Variants in HMGA2 observed in about 807,000 individuals in gnomAD.
HMGA2 encodes the protein high mobility group AT-hook 2.
A neutral mutation model predicts 19.1 loss-of-function variants in HMGA2; 8 were observed. The ratio of observed to expected loss-of-function variants is 0.42; its 90% CI spans 0.25 to 0.76. HMGA2 has a LOEUF of 0.76. HMGA2 is among the 30% of genes least tolerant of loss of function. The pLI is 0.28. For synonymous variants in HMGA2, 60 were observed against 48.8 expected, an observed-to-expected ratio of 1.23 and a Z score of -0.96; for missense variants, 109 against 136.3, an observed-to-expected ratio of 0.80 and a Z score of 1.00.
intron 3 of HMGA2, among the ~76,000 whole-genome samples, chr12:65,861,783 G>T (rs573457304): frequency 1.3e-5 from 2 of 149,948 alleles, no homozygotes; most frequent in Admixed American, 1.3e-4. Context: ...TTAAAGATAT[G>T]CTTTAACATT....
chr12:65,896,795 T>C (rs1220545755), intron 3 of HMGA2, among the ~76,000 whole-genome samples: 1 of 152,246 alleles, frequency 6.6e-6, no homozygotes, highest in Admixed American at 6.5e-5. Flanking sequence ...ATGAAGAATC[T>C]GATTTTGAGA....
In HMGA2 at chr12:65,825,226, C is replaced by G. The variant is rs1016272348; in HGVS notation, c.-45C>G. 6.8e-7 allele frequency: 1 copy of G among 1,480,294 alleles called. No individual in the cohort carries two copies. Among genetic ancestry groups the G allele is most frequent in the South Asian group, 1.2e-5 (1 of 81,356 alleles). The allele number at this position is 1,480,294 out of a possible 1,614,324, so 91.7% of individuals were successfully genotyped here. ...AGGTGCTGGGCAGCTCCGGGGCGGTCGAGGCGAAGCGGCTGCAGCGGCGGT... is the reference window on the plus strand; with the variant it reads ...AGGTGCTGGGCAGCTCCGGGGCGGTGGAGGCGAAGCGGCTGCAGCGGCGGT... On this transcript the variant is annotated 5_prime_UTR_variant, in exon 1 of 5. Coordinates refer to ENST00000403681, the MANE Select transcript of HMGA2 (RefSeq NM_003483.6). This position sits in a 1 kb window ranked among gnomAD's most constrained non-coding sequence, Gnocchi z 4.4.
chr12:65,905,374 G>A (rs1435454562), intron 3 of HMGA2, among the ~76,000 whole-genome samples: 2 of 152,046 alleles, frequency 1.3e-5, no homozygotes, highest in Non-Finnish European at 2.9e-5. Context: ...TGTTTATCAA[G>A]CTTCTTGTAT....
intron 3 of HMGA2, among the ~76,000 whole-genome samples, chr12:65,855,428 T>A (rs540450260): frequency 7.7e-6 from 1 of 129,914 alleles, no homozygotes; most frequent in Admixed American, 8.7e-5. Context: ...TCTCTCTCCC[T>A]CTCTTTCTCT....
intron 3 of HMGA2, among the ~76,000 whole-genome samples, chr12:65,842,422 G>T (rs1437705976): frequency 1.3e-5 from 2 of 152,190 alleles, no homozygotes; most frequent in African/African-American, 4.8e-5. Context: ...ATTACTTACA[G>T]CCACCAGTAG....
chr12:65,949,611 A>G (rs944968548), intron 3 of HMGA2, among the ~76,000 whole-genome samples: 1 of 152,216 alleles, frequency 6.6e-6, no homozygotes, highest in Non-Finnish European at 1.5e-5. Flanking sequence ...TATAATGCCA[A>G]AGAAATAAGA....
chr12:65,828,372 CG>C (rs148331232), intron 2 of HMGA2: 3 of 143,536 alleles, frequency 2.1e-5, no homozygotes, highest in South Asian at 1.6e-4. Context: ...GAAGGGGTTG[CG>C]GGGGGGGCGG....
chr12:65,863,247 G>T (rs1308582465), intron 3 of HMGA2, among the ~76,000 whole-genome samples: 2 of 152,226 alleles, frequency 1.3e-5, no homozygotes, highest in Non-Finnish European at 2.9e-5. Flanking sequence ...ACAGAATGGA[G>T]CATTTCTGTT....
chr12:65,948,293 A>G (rs891080642), intron 3 of HMGA2: 1 of 152,238 alleles, frequency 6.6e-6, no homozygotes, highest in Non-Finnish European at 1.5e-5. Flanking sequence ...ACTAATATGT[A>G]TCATTGATGT....
chr12:65,936,644 G>A (rs974161626), intron 3 of HMGA2, among the ~76,000 whole-genome samples: 5 of 152,008 alleles, frequency 3.3e-5, no homozygotes, highest in African/African-American at 1.2e-4. Context: ...CTGCTGCTAC[G>A]GTGACTACTA....
At chr12:65,958,353 C>A (rs898497190) in intron 4 of HMGA2, 2 of 152,216 alleles carry the variant, frequency 1.3e-5, no homozygotes, top group Admixed American at 1.3e-4. Flanking sequence ...AGCATTTCCA[C>A]CAGAATCCCT....
intron 3 of HMGA2, among the ~76,000 whole-genome samples, chr12:65,946,268 G>A (rs1260774109): frequency 6.6e-6 from 1 of 152,136 alleles, no homozygotes; most frequent in East Asian, 1.9e-4. Flanking sequence ...TTGAACAATG[G>A]TCATATGATT....
Position 65,825,226 on chromosome 12 carries a change from C to T in HMGA2, c.-45C>T. 1 of 1,480,294 alleles carries T rather than the reference C, an allele frequency of 6.8e-7. No individual in the cohort carries two copies. The highest frequency in any genetic ancestry group is 9.0e-7 in the Non-Finnish European group (1 of 1,105,176). The allele number at this position is 1,480,294 out of a possible 1,614,324, so 91.7% of individuals were successfully genotyped here. A position where few individuals can be genotyped will look rare whatever the true frequency, so the allele number is the denominator to read the frequency against. ...AGGTGCTGGGCAGCTCCGGGGCGGT[C>T]GAGGCGAAGCGGCTGCAGCGGCGGT... On this transcript the variant is annotated 5_prime_UTR_variant, in exon 1 of 5. Transcript: ENST00000403681. This position sits in a 1 kb window ranked among gnomAD's most constrained non-coding sequence, Gnocchi z 4.4.
At chr12:65,864,549 A>G (rs1341545979) in intron 3 of HMGA2, among the ~76,000 whole-genome samples, 1 of 152,180 alleles carries the variant, frequency 6.6e-6, no homozygotes, top group Non-Finnish European at 1.5e-5. Context: ...AGAGAACACC[A>G]GCTTTGCTAT....
At chr12:65,839,811 A>G (rs1870915511) in intron 3 of HMGA2, among the ~76,000 whole-genome samples, 1 of 152,096 alleles carries the variant, frequency 6.6e-6, no homozygotes, top group African/African-American at 2.4e-5. Context: ...GGAACTTGCT[A>G]CCTCTCAAGG....
intron 3 of HMGA2, among the ~76,000 whole-genome samples, chr12:65,936,668 C>T (rs761955947): frequency 5.3e-5 from 8 of 152,186 alleles, no homozygotes; most frequent in Non-Finnish European, 1.2e-4. Flanking sequence ...CCATCACCGC[C>T]ACCCTCCCTA....
chr12:65,829,834 T>C (rs1227800946), intron 2 of HMGA2, among the ~76,000 whole-genome samples: 1 of 151,990 alleles, frequency 6.6e-6, no homozygotes, highest in African/African-American at 2.4e-5. Flanking sequence ...AGTGCCTAGT[T>C]TACCACCTAA....
chr12:65,937,273 G>A (rs1206416188), intron 3 of HMGA2, among the ~76,000 whole-genome samples: 1 of 152,128 alleles, frequency 6.6e-6, no homozygotes, highest in South Asian at 2.1e-4. Context: ...AGAGAGACAA[G>A]CATCTCATTT....
chr12:65,837,805 T>G (rs987372477), intron 2 of HMGA2, among the ~76,000 whole-genome samples: 1 of 152,206 alleles, frequency 6.6e-6, no homozygotes, highest in Admixed American at 6.5e-5. Context: ...GGATTATGGT[T>G]AATAAAGTAC....
Sources: gnomAD v4.1 joint callset for allele counts (sites outside exome capture counted in the v4.1 genomes callset) on GRCh38, gnomAD v4.1.1 for gene constraint, Gnocchi (gnomAD v3.1) non-coding constraint, MANE v1.5 for transcripts, NCBI Gene and HGNC (gene_info 2026-07-23, HGNC 2026-07-21) for gene names.